RBMS3: variants seen among roughly 807,000 people sequenced by gnomAD.
RBMS3 encodes the protein RNA binding motif single stranded interacting protein 3, also known as RNA-binding motif, single-stranded-interacting protein 3.
RBMS3 carries 27 observed loss-of-function variants against 66.8 expected under a neutral mutation model. That is an observed-to-expected ratio of 0.40 (90% CI 0.30 to 0.56). The LOEUF (loss-of-function observed/expected upper bound fraction) is 0.56, where lower values mean the gene tolerates loss of function less well. Ranked by LOEUF, RBMS3 falls within the 20% of genes least tolerant of loss-of-function variation. The pLI, the probability that RBMS3 is intolerant of heterozygous loss-of-function variation, is 0.40. For missense variants in RBMS3, 513 were observed against 549.5 expected, an observed-to-expected ratio of 0.93 and a Z score of 0.66; for synonymous variants, 188 against 183.0, an observed-to-expected ratio of 1.03 and a Z score of -0.22.
chr3:29,612,642 T>C (rs1029494762), intron 4 of RBMS3, among the ~76,000 whole-genome samples: 4 of 151,990 alleles, frequency 2.6e-5, no homozygotes, highest in African/African-American at 7.2e-5. Flanking sequence ...AAGGGAGATG[T>C]TTTGAGAACT....
chr3:29,874,735 T>C (rs1456909395), intron 7 of RBMS3, among the ~76,000 whole-genome samples: 1 of 151,972 alleles, frequency 6.6e-6, no homozygotes, highest in Non-Finnish European at 1.5e-5. Context: ...AGTCTTAAAA[T>C]AAACCTTTTT....
chr3:29,863,461 T>C (rs986845817), intron 6 of RBMS3, among the ~76,000 whole-genome samples: 1 of 152,166 alleles, frequency 6.6e-6, no homozygotes, highest in Non-Finnish European at 1.5e-5. Flanking sequence ...ATTATAATCA[T>C]CTTAAAATTA....
At chr3:29,518,199 T>A (rs924599507) in intron 3 of RBMS3, among the ~76,000 whole-genome samples, 1 of 152,212 alleles carries the variant, frequency 6.6e-6, no homozygotes, top group African/African-American at 2.4e-5. Flanking sequence ...GCACCTGTAT[T>A]ACTGTCAAGA....
chr3:29,517,369 C>G (rs1385371936), intron 3 of RBMS3, among the ~76,000 whole-genome samples: 1 of 149,182 alleles, frequency 6.7e-6, no homozygotes, highest in Non-Finnish European at 1.5e-5. Flanking sequence ...GTTGCCCAGG[C>G]TGGAGTACAG....
intron 10 of RBMS3, among the ~76,000 whole-genome samples, chr3:29,910,896 G>A (rs1255580470): frequency 1.3e-5 from 2 of 151,966 alleles, no homozygotes; most frequent in Non-Finnish European, 2.9e-5. Context: ...CAAGTAAAAT[G>A]CCTTTAAACT....
chr3:29,777,208 C>T lies in RBMS3; in HGVS notation c.637+14219C>T, dbSNP rs1432034705. Among the ~76,000 whole-genome samples the T allele has an allele frequency of 5.3e-5, 8 of 151,794 alleles. No homozygotes were observed. In the East Asian group the frequency reaches 9.7e-4, roughly 18 times the overall value. On this transcript the variant is annotated intron_variant, in intron 6 of 14. Coordinates refer to ENST00000383767, the MANE Select transcript of RBMS3 (RefSeq NM_001003793.3). The stretch of plus-strand genomic sequence containing the variant: ...TTCCCTTTCCTTAACTCTCACTGTA[C>T]GGCATTAAATGCTTTTCTCCTATAC...
At chr3:29,534,694 T>C (rs966130658) in intron 3 of RBMS3, among the ~76,000 whole-genome samples, 20 of 152,178 alleles carry the variant, frequency 1.3e-4, no homozygotes, top group African/African-American at 4.8e-4. Context: ...TTAGAATAAT[T>C]TATATCAAAT....
intron 6 of RBMS3, among the ~76,000 whole-genome samples, chr3:29,859,235 A>T (rs573453251): frequency 3.7e-4 from 56 of 152,298 alleles, no homozygotes; most frequent in African/African-American, 1.3e-3. Flanking sequence ...GGCAGCATAC[A>T]TTCTTTTAGG....
intron 1 of RBMS3, among the ~76,000 whole-genome samples, chr3:29,315,333 A>G (rs186613434): frequency 3.0e-4 from 45 of 151,732 alleles, no homozygotes; most frequent in Non-Finnish European, 5.8e-4. Flanking sequence ...TAAGATTCGT[A>G]TTGCAAAAGT....
intron 2 of RBMS3, among the ~76,000 whole-genome samples, chr3:29,439,277 C>T (rs1028906499): frequency 2.0e-5 from 3 of 152,118 alleles, no homozygotes; most frequent in African/African-American, 4.8e-5. Context: ...ACAGGAAGTT[C>T]GCATAGCTAT....
chr3:29,483,015 C>G (rs1372188712), intron 2 of RBMS3, among the ~76,000 whole-genome samples: 1 of 151,672 alleles, frequency 6.6e-6, no homozygotes, highest in Non-Finnish European at 1.5e-5. Flanking sequence ...CTACCATTTT[C>G]AATTTAAAGT....
At chr3:29,338,405 A>G (rs1330476420) in intron 1 of RBMS3, among the ~76,000 whole-genome samples, 4 of 152,284 alleles carry the variant, frequency 2.6e-5, no homozygotes, top group Non-Finnish European at 5.9e-5. Context: ...TGGTCTTTGT[A>G]AACTACAGAA....
At chr3:29,752,115 T>C (rs2055209000) in intron 5 of RBMS3, among the ~76,000 whole-genome samples, 1 of 152,078 alleles carries the variant, frequency 6.6e-6, no homozygotes, top group Non-Finnish European at 1.5e-5. Flanking sequence ...GCAGAGGATT[T>C]TATCGTGTGG....
chr3:29,460,664 T>C (rs1029834671), intron 2 of RBMS3, among the ~76,000 whole-genome samples: 9 of 152,228 alleles, frequency 5.9e-5, no homozygotes, highest in Non-Finnish European at 8.8e-5. Flanking sequence ...ATTTTATTAA[T>C]GCTTAGTAAG....
At chr3:29,834,852 G>T (rs992804007) in intron 6 of RBMS3, among the ~76,000 whole-genome samples, 6 of 151,992 alleles carry the variant, frequency 3.9e-5, no homozygotes, top group African/African-American at 1.2e-4. Flanking sequence ...TGGCCAAATG[G>T]ATTAAAACAA....
intron 1 of RBMS3, among the ~76,000 whole-genome samples, chr3:29,316,835 C>T (rs9831361): frequency 0.19 from 28,118 of 151,382 alleles, 2,945 homozygotes; most frequent in African/African-American, 0.3. Flanking sequence ...TTAATTCCTA[C>T]GCACTCAAGA....
At chr3:29,720,707 TGTGTGTGTGA>T (rs1049440692) in intron 4 of RBMS3, among the ~76,000 whole-genome samples, 27 of 151,332 alleles carry the variant, frequency 1.8e-4, no homozygotes, top group African/African-American at 6.1e-4. Context: ...TGTGTGTGTG[TGTGTGTGTGA>T]GTGTGTGTGT....
chr3:29,804,195 G>A (rs1015161135), intron 6 of RBMS3, among the ~76,000 whole-genome samples: 2 of 151,938 alleles, frequency 1.3e-5, no homozygotes, highest in South Asian at 2.1e-4. Context: ...CTTCAAAGTG[G>A]TCTAGGCATA....
intron 6 of RBMS3, among the ~76,000 whole-genome samples, chr3:29,867,234 A>T (rs1266192529): frequency 6.6e-6 from 1 of 151,942 alleles, no homozygotes; most frequent in Non-Finnish European, 1.5e-5. Flanking sequence ...AAATGCAAGG[A>T]ATCTAGCTGG....
Sources: allele counts gnomAD v4.1 joint callset (sites outside exome capture counted in the v4.1 genomes callset), GRCh38; gene constraint gnomAD v4.1.1; transcripts MANE v1.5; gene names NCBI Gene and HGNC (gene_info 2026-07-23, HGNC 2026-07-21).